CELSR2: variants seen among roughly 807,000 people sequenced by gnomAD.
The protein encoded by CELSR2 is EGF-like protein 2.
CELSR2 carries 81 observed loss-of-function variants against 251.6 expected under a neutral mutation model. That is an observed-to-expected ratio of 0.32 (90% CI 0.27 to 0.39). The LOEUF is 0.39. Among genes scored for constraint, CELSR2 ranks in the 10% least tolerant of loss-of-function variants. The pLI is 1.00. For missense variants in CELSR2, 3,365 were observed against 3,947.7 expected, an observed-to-expected ratio of 0.85 and a Z score of 3.96; for synonymous variants, 1,721 against 1,670.5, an observed-to-expected ratio of 1.03 and a Z score of -0.74.
rs1221981237 is a variant in CELSR2, at chr1:109,273,679, G to T, written c.8744+9G>T. 12 of 1,445,508 alleles carry T rather than the reference G, an allele frequency of 8.3e-6. No homozygotes were observed. Among genetic ancestry groups the T allele is most frequent in the Non-Finnish European group, 1.0e-5 (11 of 1,090,520 alleles). 89.5% of individuals were successfully genotyped at this position (1,445,508 alleles called of 1,614,324 possible). A position where few individuals can be genotyped will look rare whatever the true frequency, so the allele number is the denominator to read the frequency against. On this transcript the variant is annotated intron_variant, in intron 33 of 33. Transcript: ENST00000271332. ...GACTCGTCAGGCTCCGAGTGAGTGT[G>T]GCCGGGTGGGCGGGACGGGGTGCAG...
chr1:109,262,754 G>T, intron 6 of CELSR2, 52 bp from the exon 7 acceptor site: 1 of 1,592,368 alleles, frequency 6.3e-7, no homozygotes, highest in South Asian at 1.1e-5. Context: ...GCGAGCGGAG[G>T]ACCAGAAGCT....
chr1:109,252,469 A>T lies in CELSR2; in HGVS notation c.2390A>T (p.Asp797Val). 1 of 1,613,804 alleles carries T rather than the reference A, an allele frequency of 6.2e-7. No homozygotes were observed. The change falls in exon 1 of 34, where the codon GAC (aspartate) becomes GTC (valine). Residue 797 changes from aspartate (D) to valine (V), a missense_variant. By Grantham distance (152) the Asp-to-Val change is radical. Transcript: ENST00000271332. This position sits in a 1 kb window ranked among gnomAD's most constrained non-coding sequence, Gnocchi z 4.8. ...GACAATGGCATTCCCCAGAAGTCCG[A>T]CACCACCTACCTGGAGATCCTGGTG... ...ARDNGIPQKS[D>V]TTYLEILVND... is the part of the protein sequence containing the mutation.
rs777080722 is a variant in CELSR2 at position 109,273,460 on chromosome 1, C to T, written c.8534C>T (p.Pro2845Leu). 3.8e-5 allele frequency: 62 copies of T among 1,612,242 alleles called. No individual in the cohort carries two copies. The highest frequency in any genetic ancestry group is 5.2e-5 in the Non-Finnish European group (61 of 1,179,498). The change falls in exon 33 of 34, where the codon CCC becomes CTC. Residue 2845 changes from proline to leucine, a missense_variant. Physicochemically the swap from Pro to Leu is moderately conservative, Grantham distance 98. Around this residue, in one of 5 missense-constraint regions of CELSR2, gnomAD observed 2,093 missense variants for 2,382.8 expected, o/e 0.88. Transcript: ENST00000271332. Reference protein sequence around the residue: ...HKGILKKKCLPTISEKSSLLR... With the variant: ...HKGILKKKCLLTISEKSSLLR... ...GGCATCCTTAAGAAGAAGTGTCTGC[C>T]CACCATCAGCGAGAAGAGCAGCCTC...
Position 109,250,380 on chromosome 1 carries a change from A to T in CELSR2, c.301A>T (p.Ile101Phe). ...TTGGTGTCCAGAATCCGAGGCCCAT[A>T]TTCCCCTACCACCAGCTCCTGAAGG... ...RVWCPESEAHIPLPPAPEGCP... is the reference protein window; with the variant it reads ...RVWCPESEAHFPLPPAPEGCP... Residue 101 changes from isoleucine (I) to phenylalanine (F), a missense_variant, in exon 1 of 34, where the codon ATT (isoleucine) becomes TTT (phenylalanine). Coordinates refer to ENST00000271332, the MANE Select transcript of CELSR2 (RefSeq NM_001408.3). The surrounding 1 kb of genome is among the most constrained non-coding windows in gnomAD (Gnocchi z 4.4). 6.2e-7 allele frequency: 1 copy of T among 1,613,540 alleles called. No individual in the cohort carries two copies. Among genetic ancestry groups the T allele is most frequent in the Admixed American group, 1.7e-5 (1 of 60,022 alleles).
In CELSR2 at chr1:109,252,695, C is replaced by G. The variant is rs779256212; in HGVS notation, c.2616C>G (p.Ile872Met). 1.9e-6 allele frequency: 3 copies of G among 1,614,022 alleles called. No homozygotes were observed. The highest frequency in any genetic ancestry group is 1.6e-4 in the Middle Eastern group (1 of 6,062). The change falls in exon 1 of 34, where the codon ATC becomes ATG. Residue 872 changes from isoleucine (I) to methionine (M), a missense_variant. Physicochemically the swap from Ile to Met is conservative, Grantham distance 10. This residue lies in a region of CELSR2 where 505 missense variants were observed against 660.0 expected (regional missense o/e 0.77). Transcript: ENST00000271332. The surrounding 1 kb of genome is among the most constrained non-coding windows in gnomAD (Gnocchi z 4.8). ...GDFIVESTSG[I>M]VRTLRRLDRE... Reference sequence around the variant, plus strand: ...TTATTGTTGAGTCCACGTCAGGCATCGTGCGAACGCTACGGAGGCTGGATC... The same window carrying G: ...TTATTGTTGAGTCCACGTCAGGCATGGTGCGAACGCTACGGAGGCTGGATC...
chr1:109,250,014 C>T lies in CELSR2; in HGVS notation c.-66C>T, dbSNP rs1352964832. 2.4e-6 allele frequency: 3 copies of T among 1,242,704 alleles called. No individual in the cohort carries two copies. The allele number at this position is 1,242,704 out of a possible 1,614,324, so 77.0% of individuals were successfully genotyped here. A position where few individuals can be genotyped will look rare whatever the true frequency, so the allele number is the denominator to read the frequency against. ...GGCCCGGGCATGAGGCGCGGCGGGGCCGGCAGGAGCCGGAGGAGGAGCCGC... is the reference window on the plus strand; with the variant it reads ...GGCCCGGGCATGAGGCGCGGCGGGGTCGGCAGGAGCCGGAGGAGGAGCCGC... On this transcript the variant is annotated 5_prime_UTR_variant, in exon 1 of 34. Coordinates refer to ENST00000271332, the MANE Select transcript of CELSR2 (RefSeq NM_001408.3). The surrounding 1 kb of genome is among the most constrained non-coding windows in gnomAD (Gnocchi z 4.4).
rs1284591356 is a variant in CELSR2, at chr1:109,252,143, C to T, written c.2064C>T (p.Ser688=). ...AGTATGTGTTGGCTGTTACCGCCTCCGATGGCACTCGGCAGGACACGGCAC... is the reference window on the plus strand; with the variant it reads ...AGTATGTGTTGGCTGTTACCGCCTCTGATGGCACTCGGCAGGACACGGCAC... The part of the protein sequence containing the change: ...ERQYVLAVTA[S]DGTRQDTAQI... Residue 688 remains serine (S), a synonymous_variant, in exon 1 of 34, where the codon TCC becomes TCT. Coordinates refer to ENST00000271332, the MANE Select transcript of CELSR2 (RefSeq NM_001408.3). The surrounding 1 kb of genome is among the most constrained non-coding windows in gnomAD (Gnocchi z 4.8). 5.0e-6 allele frequency: 8 copies of T among 1,614,024 alleles called. No homozygotes were observed. The highest frequency in any genetic ancestry group is 3.3e-5 in the Admixed American group (2 of 60,020).
rs1162237136 is a variant in CELSR2, at chr1:109,274,247, C to CG, written c.*198_*199insG. 11 of 1,337,176 alleles carry CG rather than the reference C, an allele frequency of 8.2e-6. No individual in the cohort carries two copies. Among genetic ancestry groups the CG allele is most frequent in the African/African-American group, 2.9e-5 (2 of 68,018 alleles). The allele number at this position is 1,337,176 out of a possible 1,614,324, so 82.8% of individuals were successfully genotyped here. A position where few individuals can be genotyped will look rare whatever the true frequency, so the allele number is the denominator to read the frequency against. On this transcript the variant is annotated 3_prime_UTR_variant, in exon 34 of 34. Coordinates refer to ENST00000271332, the MANE Select transcript of CELSR2 (RefSeq NM_001408.3). ...AAGGCCATCTAGTGCCAACTCCCCC[C>CG]CCACCATTCCCCTCACTGCACTTTG...
At position 109,263,266 on chromosome 1, in the gene CELSR2, G is replaced by A; in HGVS notation, c.4833G>A (p.Gln1611=). The change falls in exon 8 of 34, where the codon CAG becomes CAA. Residue 1611 remains glutamine (Q), a splice_region_variant and synonymous_variant. Coordinates refer to ENST00000271332, the MANE Select transcript of CELSR2 (RefSeq NM_001408.3). ...GCTTTGGGGGCAAGAGCTGCGCCCA[G>A]GGTAGGAGGGGCGGCTGTTAGAGGC... ...PLGFGGKSCA[Q]EMANPQHFLG... is the part of the protein sequence containing the mutation. 6.4e-7 allele frequency: 1 copy of A among 1,572,440 alleles called. No individual in the cohort carries two copies. Among genetic ancestry groups the A allele is most frequent in the Non-Finnish European group, 8.7e-7 (1 of 1,152,224 alleles).
Position 109,251,855 on chromosome 1 carries a change from C to T in CELSR2, c.1776C>T (p.Ala592=). The change falls in exon 1 of 34, where the codon GCC becomes GCT. Residue 592 remains alanine, a synonymous_variant. Coordinates refer to ENST00000271332, the MANE Select transcript of CELSR2 (RefSeq NM_001408.3). The surrounding 1 kb of genome is among the most constrained non-coding windows in gnomAD (Gnocchi z 4.9). ...ARDHGTPALT[A]SASVSVTVLD... is the part of the protein sequence containing the mutation. ...ACCATGGCACTCCAGCACTCACTGC[C>T]TCGGCCAGTGTCAGCGTGACTGTCC... 6.2e-7 allele frequency: 1 copy of T among 1,614,154 alleles called. No homozygotes were observed. Among genetic ancestry groups the T allele is most frequent in the South Asian group, 1.1e-5 (1 of 91,086 alleles).
At position 109,269,436 on chromosome 1, in the gene CELSR2, C is replaced by T. The variant is rs1472561096; in HGVS notation, c.6825C>T (p.Arg2275=). ...PDKRSLRVPK[R]PIINTPVVSI... Reference sequence around the variant, plus strand: ...TGCCCCACATCAGAGTCCCCAAACGCCCGATCATCAACACACCCGTGGTGA... The same window carrying T: ...TGCCCCACATCAGAGTCCCCAAACGTCCGATCATCAACACACCCGTGGTGA... The change falls in exon 21 of 34, where the codon CGC becomes CGT. Residue 2275 remains arginine, a synonymous_variant. Transcript: ENST00000271332. This position sits in a 1 kb window ranked among gnomAD's most constrained non-coding sequence, Gnocchi z 6.4. 6.2e-7 allele frequency: 1 copy of T among 1,613,842 alleles called. No individual in the cohort carries two copies. The highest frequency in any genetic ancestry group is 8.5e-7 in the Non-Finnish European group (1 of 1,179,928).
In CELSR2 at chr1:109,261,388, TCTG is replaced by T. The variant is rs1656017736; in HGVS notation, c.4182-122_4182-120del. 7.4e-7 allele frequency: 1 copy of T among 1,343,818 alleles called. No homozygotes were observed. Among genetic ancestry groups the T allele is most frequent in the South Asian group, 1.2e-5 (1 of 81,106 alleles). 83.2% of individuals were successfully genotyped at this position (1,343,818 alleles called of 1,614,324 possible). On this transcript the variant is annotated intron_variant, in intron 3 of 33. Transcript: ENST00000271332. The surrounding 1 kb of genome is among the most constrained non-coding windows in gnomAD (Gnocchi z 4.8). ...GGAGCAGGCTGCCGGCAGAGCCAGG[TCTG>T]CTCTTGGAGTTGCCTGTGGTTCTGC...
chr1:109,269,649 A>G lies in CELSR2; in HGVS notation c.6981-45A>G, dbSNP rs1413542491. ...TCGGGCTGAAAGTCCAGGCCCCTGCATGCCTCACCCTCCTTGTCTCCCTGA... is the reference window on the plus strand; with the variant it reads ...TCGGGCTGAAAGTCCAGGCCCCTGCGTGCCTCACCCTCCTTGTCTCCCTGA... On this transcript the variant is annotated intron_variant, in intron 21 of 33. Coordinates refer to ENST00000271332, the MANE Select transcript of CELSR2 (RefSeq NM_001408.3). The surrounding 1 kb of genome is among the most constrained non-coding windows in gnomAD (Gnocchi z 6.4). 1.9e-6 allele frequency: 3 copies of G among 1,613,702 alleles called. No homozygotes were observed. The highest frequency in any genetic ancestry group is 2.5e-6 in the Non-Finnish European group (3 of 1,179,712).
Position 109,262,394 on chromosome 1 carries a change from C to T in CELSR2, c.4494C>T (p.Val1498=), listed in dbSNP as rs139675369. The T allele has an allele frequency of 6.1e-5, 98 of 1,614,038 alleles. No individual in the cohort carries two copies. The African/African-American group carries it at 1.3e-3, about 21-fold the overall frequency. The part of the protein sequence containing the change: ...DTGVALRFGS[V]LGNYSCAAQG... ...GAGTGGCCTTGCGCTTCGGATCTGT[C>T]CTGGGCAACTACTCCTGTGCTGCCC... Residue 1498 remains valine (V), a synonymous_variant, in exon 6 of 34, where the codon GTC becomes GTT. Coordinates refer to ENST00000271332, the MANE Select transcript of CELSR2 (RefSeq NM_001408.3).
chr1:109,272,428 T>TGGAGGAGG (rs1422516194), intron 29 of CELSR2, 23 bp downstream of exon 29: 1 of 1,593,256 alleles, frequency 6.3e-7, no homozygotes, highest in Admixed American at 1.7e-5. Context: ...GATGGGAGGG[T>TGGAGGAGG]GGAGGAGGGG....
rs766177412 is a variant in CELSR2, at chr1:109,264,131, C to T, written c.5055C>T (p.Ser1685=). 2 of 1,604,258 alleles carry T rather than the reference C, an allele frequency of 1.2e-6. No individual in the cohort carries two copies. The highest frequency in any genetic ancestry group is 1.7e-5 in the Admixed American group (1 of 59,856). ...LSVEGTGLQA[S]SLRLEPGRAN... is the part of the protein sequence containing the mutation. Reference sequence around the variant, plus strand: ...TGGAGGGCACAGGGCTTCAGGCCTCCTCTCTCCGTCTGGAGCCAGGCCGGG... The same window carrying T: ...TGGAGGGCACAGGGCTTCAGGCCTCTTCTCTCCGTCTGGAGCCAGGCCGGG... Residue 1685 remains serine, a synonymous_variant, in exon 10 of 34, where the codon TCC becomes TCT. Coordinates refer to ENST00000271332, the MANE Select transcript of CELSR2 (RefSeq NM_001408.3).
Position 109,259,084 on chromosome 1 carries a change from G to A in CELSR2, c.3958+5G>A. 1 of 1,565,582 alleles carries A rather than the reference G, an allele frequency of 6.4e-7. No homozygotes were observed. Among genetic ancestry groups the A allele is most frequent in the Non-Finnish European group, 8.6e-7 (1 of 1,160,148 alleles). On this transcript the variant is annotated splice_donor_5th_base_variant and intron_variant, in intron 2 of 33. Coordinates refer to ENST00000271332, the MANE Select transcript of CELSR2 (RefSeq NM_001408.3). ...TCTGTCGTGATGGCTACACGGGTGA[G>A]CCAAGGGAGGGGACTCATGGGCCAG...
In CELSR2 at chr1:109,267,837, T is replaced by C. The variant is rs1656246018; in HGVS notation, c.6109-14T>C. 1 of 1,594,788 alleles carries C rather than the reference T, an allele frequency of 6.3e-7. No individual in the cohort carries two copies. The highest frequency in any genetic ancestry group is 1.3e-5 in the African/African-American group (1 of 74,842). ...CCTGCCCTCACTCCTGCTCCTCCGCTCCGTCCTGTCTAGGCTGAGCGGCTA... is the reference window on the plus strand; with the variant it reads ...CCTGCCCTCACTCCTGCTCCTCCGCCCCGTCCTGTCTAGGCTGAGCGGCTA... On this transcript the variant is annotated splice_polypyrimidine_tract_variant and intron_variant, in intron 16 of 33. Transcript: ENST00000271332.
chr1:109,258,856 G>A lies in CELSR2; in HGVS notation c.3735G>A (p.Ser1245=), dbSNP rs1178141209. 8 of 1,612,306 alleles carry A rather than the reference G, an allele frequency of 5.0e-6. No individual in the cohort carries two copies. The highest frequency in any genetic ancestry group is 3.3e-5 in the South Asian group (3 of 90,832). The change falls in exon 2 of 34, where the codon TCG becomes TCA. Residue 1245 remains serine (S), a synonymous_variant. Coordinates refer to ENST00000271332, the MANE Select transcript of CELSR2 (RefSeq NM_001408.3). The stretch of plus-strand genomic sequence containing the variant: ...GCGAGAACTACATGCGCTGCGTGTC[G>A]GTGCTGCGCTTCGACTCCTCCGCGC... ...EPCENYMRCV[S]VLRFDSSAPF...
Sources: gnomAD v4.1 joint callset for allele counts on GRCh38, gnomAD v4.1.1 for gene constraint, gnomAD v4.1.1 regional missense constraint, Gnocchi (gnomAD v3.1) non-coding constraint, MANE v1.5 for transcripts, NCBI Gene and HGNC (gene_info 2026-07-23, HGNC 2026-07-21) for gene names.